The following GBE1 variants were observed in gnomAD, a reference collection of about 807,000 sequenced individuals.
GBE1 encodes the protein 1,4-alpha-glucan branching enzyme 1.
A neutral mutation model predicts 88.8 loss-of-function variants in GBE1; 70 were observed. The ratio of observed to expected loss-of-function variants is 0.79; its 90% confidence interval spans 0.65 to 0.96. The LOEUF (loss-of-function observed/expected upper bound fraction) is 0.96. GBE1 is among the 40% of genes least tolerant of loss of function. GBE1 has a pLI of 0.00. For missense variants in GBE1, 872 were observed against 871.0 expected (o/e 1.00, Z -0.01); for synonymous variants, 284 against 300.1 (o/e 0.95, Z 0.56).
chr3:81,586,614 T>G lies in GBE1; in HGVS notation c.1237-424A>C, dbSNP rs1388681428. Among the ~76,000 whole-genome samples the G allele has an allele frequency of 2.6e-5, 4 of 152,188 alleles. No homozygotes were observed. The East Asian group carries it at 7.7e-4, about 29-fold the overall frequency. The stretch of plus-strand genomic sequence containing the variant: ...ATAGGGAGTGTATTTTTGTGAACAC[T>G]AGCTTTTGATGAAATGGAATGTAGA... On this transcript the variant is annotated intron_variant, in intron 9 of 15. Transcript: ENST00000429644.
intron 14 of GBE1, among the ~76,000 whole-genome samples, chr3:81,508,989 A>T (rs1174243769): frequency 6.6e-6 from 1 of 152,106 alleles, no homozygotes; most frequent in Non-Finnish European, 1.5e-5. Flanking sequence ...TTAACACCCT[A>T]TGTAGCACTG....
chr3:81,590,181 T>C (rs1456646616), intron 9 of GBE1, among the ~76,000 whole-genome samples: 2 of 151,972 alleles, frequency 1.3e-5, no homozygotes. Flanking sequence ...AAACAGTCTA[T>C]ACAAAAAATA....
intron 3 of GBE1, among the ~76,000 whole-genome samples, chr3:81,666,026 T>C (rs1039032189): frequency 1.3e-5 from 2 of 152,186 alleles, no homozygotes; most frequent in African/African-American, 4.8e-5. Context: ...AATTTATACC[T>C]TGTAGACATC....
chr3:81,600,559 T>C (rs187145371), intron 7 of GBE1, among the ~76,000 whole-genome samples: 11 of 152,240 alleles, frequency 7.2e-5, no homozygotes, highest in Admixed American at 4.6e-4. Flanking sequence ...AAAGATCTTA[T>C]ACAAACATAA....
In GBE1 at chr3:81,499,162, GT is replaced by G; in HGVS notation, c.1999del (p.Thr667LeufsTer40). The G allele has an allele frequency of 6.2e-7, 1 of 1,612,228 alleles. No homozygotes were observed. The highest frequency in any genetic ancestry group is 8.5e-7 in the Non-Finnish European group (1 of 1,179,046). On this transcript the variant is annotated frameshift_variant, in exon 15 of 16. Coordinates refer to ENST00000429644, the MANE Select transcript of GBE1 (RefSeq NM_000158.4). LOFTEE classifies it high-confidence loss of function. ...TTCAAAAGCCTCAGAAAAAAAGTCA[GT>G]GCTGTGGTCCAGTCTCTGATGCCCT... ...YGGHQRLDHS[T>X]DFFSEAFEHN...
intron 2 of GBE1, among the ~76,000 whole-genome samples, chr3:81,701,780 T>G (rs896945473): frequency 1.3e-5 from 2 of 152,058 alleles, no homozygotes; most frequent in South Asian, 2.1e-4. Flanking sequence ...CTATTTATTT[T>G]CTGGTAAAGA....
intron 1 of GBE1, among the ~76,000 whole-genome samples, chr3:81,722,915 TACACACAAGTAA>T (rs1706055333): frequency 6.9e-6 from 1 of 145,464 alleles, no homozygotes; most frequent in Non-Finnish European, 1.5e-5. Context: ...TATATATATA[TACACACAAGTAA>T]ATATATATGT....
chr3:81,671,077 T>A, intron 2 of GBE1, 124 bp from the exon 3 acceptor site: 1 of 472,072 alleles, frequency 2.1e-6, no homozygotes, highest in Non-Finnish European at 3.7e-6. Flanking sequence ...AATTGTTTTC[T>A]GAAGTGTTAA....
intron 7 of GBE1, among the ~76,000 whole-genome samples, chr3:81,634,188 A>C (rs1704558728): frequency 6.6e-6 from 1 of 152,160 alleles, no homozygotes; most frequent in African/African-American, 2.4e-5. Flanking sequence ...AAAAATCTGA[A>C]AGTATAACTC....
chr3:81,537,777 T>C (rs566593064), intron 12 of GBE1, among the ~76,000 whole-genome samples: 3 of 152,138 alleles, frequency 2.0e-5, no homozygotes, highest in African/African-American at 7.2e-5. Context: ...CTAGAGTGTG[T>C]ACCTTTCATT....
chr3:81,688,433 A>C (rs1337305456), intron 2 of GBE1, among the ~76,000 whole-genome samples: 1 of 152,036 alleles, frequency 6.6e-6, no homozygotes. Context: ...TTACTAAAAG[A>C]AATTTTCACC....
chr3:81,553,617 T>C (rs1429617649), intron 12 of GBE1, among the ~76,000 whole-genome samples: 2 of 140,786 alleles, frequency 1.4e-5, no homozygotes, highest in Non-Finnish European at 3.0e-5. Context: ...AGTTGAAGTA[T>C]AGAGACAGAT....
chr3:81,761,070 G>C (rs1706674346), intron 1 of GBE1, among the ~76,000 whole-genome samples: 1 of 152,316 alleles, frequency 6.6e-6, no homozygotes, highest in South Asian at 2.1e-4. Flanking sequence ...GCAGCACTCT[G>C]GGGAATAAGT....
intron 14 of GBE1, among the ~76,000 whole-genome samples, chr3:81,499,901 C>CA (rs890826493): frequency 4.6e-5 from 7 of 152,158 alleles, no homozygotes; most frequent in Admixed American, 2.6e-4. Context: ...GTACTTGATA[C>CA]AAAAATCTAT....
At chr3:81,513,394 G>A (rs181945896) in intron 14 of GBE1, among the ~76,000 whole-genome samples, 114 of 151,514 alleles carry the variant, frequency 7.5e-4, no homozygotes, top group Admixed American at 2.4e-3. Context: ...TCACTGTGTC[G>A]TGGTGAAATG....
intron 2 of GBE1, among the ~76,000 whole-genome samples, chr3:81,681,450 C>A (rs1428356947): frequency 6.6e-6 from 1 of 152,178 alleles, no homozygotes; most frequent in African/African-American, 2.4e-5. Context: ...AATCTTCTAT[C>A]TTAAGATATC....
intron 3 of GBE1, among the ~76,000 whole-genome samples, chr3:81,659,492 C>T (rs1379036766): frequency 4.1e-5 from 6 of 147,094 alleles, no homozygotes; most frequent in Non-Finnish European, 7.4e-5. Context: ...CATGCCACCA[C>T]GCCCGGCTAA....
At chr3:81,750,645 GTATATA>G (rs557781058) in intron 1 of GBE1, among the ~76,000 whole-genome samples, 1 of 47,720 alleles carries the variant, frequency 2.1e-5, no homozygotes, top group African/African-American at 1.9e-4. Flanking sequence ...ATATATATAT[GTATATA>G]TATATATGTA....
At chr3:81,629,018 G>GTTTTTTTTTTTT (rs34707682) in intron 7 of GBE1, among the ~76,000 whole-genome samples, 74 of 97,938 alleles carry the variant, frequency 7.6e-4, no homozygotes, top group African/African-American at 1.8e-3. Context: ...TTATGTTTAA[G>GTTTTTTTTTTTT]TTTTTTTTTT....
Sources: allele counts gnomAD v4.1 joint callset (sites outside exome capture counted in the v4.1 genomes callset), GRCh38; gene constraint gnomAD v4.1.1; transcripts MANE v1.5; gene names NCBI Gene and HGNC (gene_info 2026-07-23, HGNC 2026-07-21).